Variants in RUSC2 observed in about 807,000 individuals in gnomAD.
The protein encoded by RUSC2 is RUN and SH3 domain containing 2, also known as AP-4 complex accessory subunit RUSC2.
A neutral mutation model predicts 122.2 loss-of-function variants in RUSC2; 34 were observed. That is an observed-to-expected ratio of 0.28 (90% CI 0.21 to 0.37). The LOEUF is 0.37. Ranked by LOEUF, RUSC2 falls within the 10% of genes least tolerant of loss-of-function variation. The pLI is 1.00. For missense variants in RUSC2, 1,747 were observed against 1,952.4 expected, an observed-to-expected ratio of 0.89 and a Z score of 1.98; for synonymous variants, 784 against 790.0, an observed-to-expected ratio of 0.99 and a Z score of 0.13.
intron 1 of RUSC2, among the ~76,000 whole-genome samples, chr9:35,518,221 C>T (rs992939586): frequency 1.3e-5 from 2 of 152,232 alleles, no homozygotes; most frequent in Admixed American, 1.3e-4. Flanking sequence ...TTCTTGCCAG[C>T]ACCCTGACTT....
In RUSC2 at chr9:35,548,088, C is replaced by T. The variant is rs763673201; in HGVS notation, c.1567C>T (p.Arg523Cys). The T allele has an allele frequency of 8.7e-6, 14 of 1,613,184 alleles. No homozygotes were observed. The highest frequency in any genetic ancestry group is 7.7e-5 in the South Asian group (7 of 91,086). ...SLERMLSCPV[R>C]LSEGPAAMAG... ...GGAACGTATGTTGAGTTGCCCAGTG[C>T]GCTTGAGTGAGGGCCCTGCAGCCAT... Residue 523 changes from arginine (R) to cysteine (C), a missense_variant, in exon 2 of 12, where the codon CGC (arginine) becomes TGC (cysteine). Transcript: ENST00000361226. This position sits in a 1 kb window ranked among gnomAD's most constrained non-coding sequence, Gnocchi z 4.5.
In RUSC2 at chr9:35,558,002, A is replaced by T. The variant is rs1344648991; in HGVS notation, c.3060+12A>T. On this transcript the variant is annotated intron_variant, in intron 6 of 11. Transcript: ENST00000361226. This position sits in a 1 kb window ranked among gnomAD's most constrained non-coding sequence, Gnocchi z 4.3. ...ATCCCGGGGTGAAGGTAGGCAAGGAAATGTGGAGAGCTGAGCTCTGCCTGC... is the reference window on the plus strand; with the variant it reads ...ATCCCGGGGTGAAGGTAGGCAAGGATATGTGGAGAGCTGAGCTCTGCCTGC... The T allele has an allele frequency of 6.2e-7, 1 of 1,613,440 alleles. No individual in the cohort carries two copies. The highest frequency in any genetic ancestry group is 1.7e-5 in the Admixed American group (1 of 60,022).
chr9:35,491,199 T>G (rs947561795), intron 1 of RUSC2, among the ~76,000 whole-genome samples: 4 of 151,798 alleles, frequency 2.6e-5, no homozygotes, highest in South Asian at 2.1e-4. Context: ...TTCCTGGGGG[T>G]TTGGGTTCCA....
Position 35,555,190 on chromosome 9 carries a change from C to T in RUSC2, c.2145C>T (p.Ser715=). 4 of 1,613,546 alleles carry T rather than the reference C, an allele frequency of 2.5e-6. No homozygotes were observed. In the South Asian group the frequency reaches 4.4e-5, roughly 18 times the overall value. The part of the protein sequence containing the change: ...KQLAKARALH[S]LSQLYSLSGC... ...TGGCCAAGGCCCGGGCCCTCCACAG[C>T]CTTTCCCAGCTCTACAGCCTCTCAG... is the stretch of plus-strand genomic sequence containing the variant. The change falls in exon 3 of 12, where the codon AGC becomes AGT. Residue 715 remains serine, a synonymous_variant. Transcript: ENST00000361226. This position sits in a 1 kb window ranked among gnomAD's most constrained non-coding sequence, Gnocchi z 4.6.
intron 2 of RUSC2, among the ~76,000 whole-genome samples, chr9:35,551,577 T>C (rs965884832): frequency 1.1e-4 from 16 of 152,324 alleles, no homozygotes; most frequent in South Asian, 6.2e-4. Context: ...GCAAGAAATA[T>C]CCTGGTCAGA....
At chr9:35,502,382 G>T (rs1405153890) in intron 1 of RUSC2, among the ~76,000 whole-genome samples, 1 of 152,096 alleles carries the variant, frequency 6.6e-6, no homozygotes, top group African/African-American at 2.4e-5. Context: ...TATCACCATG[G>T]GTTTTCTTCC....
chr9:35,551,777 C>T (rs939523997), intron 2 of RUSC2, among the ~76,000 whole-genome samples: 3 of 152,004 alleles, frequency 2.0e-5, no homozygotes, highest in Admixed American at 6.6e-5. Flanking sequence ...CTGAGAAGGT[C>T]GGCTGGGCAT....
At position 35,555,925 on chromosome 9, in the gene RUSC2, C is replaced by T. The variant is rs765569210; in HGVS notation, c.2657-27C>T. 1.2e-5 allele frequency: 20 copies of T among 1,603,884 alleles called. No homozygotes were observed. Among genetic ancestry groups the T allele is most frequent in the Non-Finnish European group, 1.4e-5 (17 of 1,173,134 alleles). On this transcript the variant is annotated intron_variant, in intron 3 of 11. Transcript: ENST00000361226. The surrounding 1 kb of genome is among the most constrained non-coding windows in gnomAD (Gnocchi z 4.6). ...CTCGCTGTCTCCTGCCAACTCTTGT[C>T]TTTCTGCTAATCTGTTCTGCTTCCA...
chr9:35,539,426 G>GA (rs1821598549), intron 1 of RUSC2, among the ~76,000 whole-genome samples: 2 of 152,008 alleles, frequency 1.3e-5, no homozygotes, highest in South Asian at 4.2e-4. Context: ...AGGGATGGGG[G>GA]AGTCAGATCT....
At chr9:35,530,503 T>C (rs1388369166) in intron 1 of RUSC2, among the ~76,000 whole-genome samples, 1 of 151,872 alleles carries the variant, frequency 6.6e-6, no homozygotes, top group Non-Finnish European at 1.5e-5. Context: ...ATCCTTAAAA[T>C]GAAGGGTGGG....
intron 1 of RUSC2, 31 bp downstream of exon 1, chr9:35,490,203 T>G (rs1016163443): frequency 5.9e-5 from 9 of 152,870 alleles, no homozygotes; most frequent in African/African-American, 1.9e-4. Context: ...GCGGGCAGGG[T>G]CCCACAGACC....
rs555430267 is a variant in RUSC2, at chr9:35,537,852, C to T, written c.-92-8578C>T. Among the ~76,000 whole-genome samples the T allele has an allele frequency of 1.4e-4, 22 of 152,304 alleles. 2 individuals carry two copies. The South Asian group carries it at 4.3e-3, about 30-fold the overall frequency. On this transcript the variant is annotated intron_variant, in intron 1 of 11. Transcript: ENST00000361226. ...GCTTAAGACTATCTCTGTGTTCAAG[C>T]GTAGCAGCAGGGAGCAGTGGCACAA... is the stretch of plus-strand genomic sequence containing the variant.
Position 35,558,410 on chromosome 9 carries a change from T to C in RUSC2, c.3235+39T>C, listed in dbSNP as rs774394281. On this transcript the variant is annotated intron_variant, in intron 7 of 11. Transcript: ENST00000361226. The surrounding 1 kb of genome is among the most constrained non-coding windows in gnomAD (Gnocchi z 4.3). ...GCCAAGACGGGGACCCAGGGCTGAATTTAGGGCTCCAGAAATTGGTCATGT... is the reference window on the plus strand; with the variant it reads ...GCCAAGACGGGGACCCAGGGCTGAACTTAGGGCTCCAGAAATTGGTCATGT... 1.4e-5 allele frequency: 22 copies of C among 1,613,818 alleles called. No individual in the cohort carries two copies. Among genetic ancestry groups the C allele is most frequent in the South Asian group, 2.2e-5 (2 of 91,078 alleles).
At chr9:35,521,009 G>A (rs1043302854) in intron 1 of RUSC2, among the ~76,000 whole-genome samples, 5 of 152,124 alleles carry the variant, frequency 3.3e-5, no homozygotes, top group Admixed American at 6.5e-5. Context: ...AAAAGAAATA[G>A]GGTTTACAAC....
At position 35,547,890 on chromosome 9, in the gene RUSC2, G is replaced by A. The variant is rs1253805925; in HGVS notation, c.1369G>A (p.Glu457Lys). 1 of 1,614,234 alleles carries A rather than the reference G, an allele frequency of 6.2e-7. No individual in the cohort carries two copies. Reference sequence around the variant, plus strand: ...CCAGAAGCCAGAAGTCCAGCCAGAGGAACAAGAAGCAGTGAGTTCCTCCAC... The same window carrying A: ...CCAGAAGCCAGAAGTCCAGCCAGAGAAACAAGAAGCAGTGAGTTCCTCCAC... ...LFQKPEVQPE[E>K]QEAVSSSTQA... The change falls in exon 2 of 12, where the codon GAA becomes AAA. Residue 457 changes from glutamate (E) to lysine (K), a missense_variant. Physicochemically the swap from Glu to Lys is moderately conservative, Grantham distance 56. Coordinates refer to ENST00000361226, the MANE Select transcript of RUSC2 (RefSeq NM_014806.5). This position sits in a 1 kb window ranked among gnomAD's most constrained non-coding sequence, Gnocchi z 4.6.
chr9:35,511,303 C>T (rs1346199444), intron 1 of RUSC2, among the ~76,000 whole-genome samples: 1 of 152,174 alleles, frequency 6.6e-6, no homozygotes, highest in East Asian at 1.9e-4. Flanking sequence ...GGATGTCTGT[C>T]ATTCTGTCTG....
chr9:35,527,515 T>C (rs1276830939), intron 1 of RUSC2, among the ~76,000 whole-genome samples: 2 of 152,212 alleles, frequency 1.3e-5, no homozygotes, highest in Non-Finnish European at 2.9e-5. Flanking sequence ...TATTTCGTTC[T>C]TTTTCAGATC....
chr9:35,556,001 G>T lies in RUSC2; in HGVS notation c.2706G>T (p.Lys902Asn). Residue 902 changes from lysine (K) to asparagine (N), a missense_variant, in exon 4 of 12, where the codon AAG becomes AAT. Physicochemically the swap from Lys to Asn is moderately conservative, Grantham distance 94 (BLOSUM62 0). Transcript: ENST00000361226. ...QALKWREYRR[K>N]NPLGPPGLSG... ...TCAAGTGGCGGGAATACAGGAGGAA[G>T]AACCCACTAGGGCCACCTGGTTTGT... is the stretch of plus-strand genomic sequence containing the variant. 6.2e-7 allele frequency: 1 copy of T among 1,614,222 alleles called. No homozygotes were observed. Among genetic ancestry groups the T allele is most frequent in the Non-Finnish European group, 8.5e-7 (1 of 1,180,038 alleles).
At chr9:35,543,557 A>C (rs1355594381) in intron 1 of RUSC2, among the ~76,000 whole-genome samples, 1 of 152,252 alleles carries the variant, frequency 6.6e-6, no homozygotes, top group African/African-American at 2.4e-5. Flanking sequence ...CACTGGTAAC[A>C]GTTTGTTGCA....
Sources: allele counts gnomAD v4.1 joint callset (sites outside exome capture counted in the v4.1 genomes callset), GRCh38; gene constraint gnomAD v4.1.1; non-coding constraint Gnocchi (gnomAD v3.1); transcripts MANE v1.5; gene names NCBI Gene and HGNC (gene_info 2026-07-23, HGNC 2026-07-21).